Variants in KLRD1 observed in about 807,000 individuals in gnomAD.
The protein encoded by KLRD1 is natural killer cells antigen CD94.
In KLRD1, 21 loss-of-function variants were observed where a neutral mutation model predicts 22.6. That is an observed-to-expected ratio of 0.93 (90% CI 0.66 to 1.34). The LOEUF (loss-of-function observed/expected upper bound fraction) is 1.34, where lower values mean the gene tolerates loss of function less well. Ranked by LOEUF, KLRD1 falls within the 40% of genes most tolerant of loss-of-function variation. The pLI is 0.00. For missense variants in KLRD1, 183 were observed against 208.6 expected, an observed-to-expected ratio of 0.88 and a Z score of 0.76; for synonymous variants, 59 against 71.1, an observed-to-expected ratio of 0.83 and a Z score of 0.85.
intron 1 of KLRD1, among the ~76,000 whole-genome samples, chr12:10,276,327 A>T (rs1176195750): frequency 6.6e-6 from 1 of 152,138 alleles, no homozygotes; most frequent in African/African-American, 2.4e-5. Context: ...TTGGATATTT[A>T]GTGACTAGGT....
chr12:10,314,824 A>G lies in KLRD1; in HGVS notation c.*31A>G. Reference sequence around the variant, plus strand: ...TCTTGGGGCAGAGAAGGTGGAGAGTAAAGACCCAACATTACTAACAATGAT... The same window carrying G: ...TCTTGGGGCAGAGAAGGTGGAGAGTGAAGACCCAACATTACTAACAATGAT... On this transcript the variant is annotated 3_prime_UTR_variant, in exon 6 of 6. Transcript: ENST00000336164. 1 of 1,585,088 alleles carries G rather than the reference A, an allele frequency of 6.3e-7. No individual in the cohort carries two copies.
intron 1 of KLRD1, among the ~76,000 whole-genome samples, chr12:10,291,252 G>A (rs1003786585): frequency 1.3e-5 from 2 of 152,166 alleles, no homozygotes; most frequent in Non-Finnish European, 2.9e-5. Flanking sequence ...ACTGATCAGG[G>A]TGGTGGTTGT....
intron 2 of KLRD1, 61 bp from the exon 3 acceptor site, chr12:10,309,565 A>G (rs893111729): frequency 7.5e-7 from 1 of 1,334,994 alleles, no homozygotes; most frequent in African/African-American, 1.4e-5. Context: ...GCTAATGTGT[A>G]ATATTTTAGT....
chr12:10,322,585 C>G lies in KLRD1; in HGVS notation c.*7792C>G, dbSNP rs1300453865. On this transcript the variant is annotated 3_prime_UTR_variant, in exon 6 of 6. Coordinates refer to ENST00000336164, the MANE Select transcript of KLRD1 (RefSeq NM_002262.5). ...TGCTGTTGTTTGGACTGGCACCTTA[C>G]TAGACCTGCTCCACAAACTGCCGTC... The G allele has an allele frequency of 3.3e-5, 5 of 152,172 alleles. No homozygotes were observed. Among genetic ancestry groups the G allele is most frequent in the Non-Finnish European group, 5.9e-5 (4 of 68,046 alleles). The allele number at this position is 152,172 out of a possible 1,614,324, so 9.4% of individuals were successfully genotyped here.
chr12:10,327,313 A>G lies in KLRD1; in HGVS notation c.*12520A>G, dbSNP rs1268002572. The G allele has an allele frequency of 6.6e-6, 1 of 152,090 alleles. No homozygotes were observed. Among genetic ancestry groups the G allele is most frequent in the Non-Finnish European group, 1.5e-5 (1 of 68,016 alleles). The allele number at this position is 152,090 out of a possible 1,614,324, so 9.4% of individuals were successfully genotyped here. A position where few individuals can be genotyped will look rare whatever the true frequency, so the allele number is the denominator to read the frequency against. On this transcript the variant is annotated 3_prime_UTR_variant, in exon 6 of 6. Transcript: ENST00000336164. ...TATTGTAGCTTTGTAATATATTTTG[A>G]TATCAGGAAGTTTGAGGCCTCTGGC...
chr12:10,263,489 T>C (rs7303481), intron 1 of KLRD1, among the ~76,000 whole-genome samples: 9,857 of 152,118 alleles, frequency 0.065, 1,097 homozygotes, highest in African/African-American at 0.23. Context: ...TAAGAATGAA[T>C]ATCCCTAATT....
intron 1 of KLRD1, among the ~76,000 whole-genome samples, chr12:10,242,025 C>T (rs1949245757): frequency 6.9e-6 from 1 of 145,054 alleles, no homozygotes; most frequent in Admixed American, 7.2e-5. Context: ...AGAAACTTCT[C>T]CCATAATTGA....
At chr12:10,258,181 T>C (rs1949417404) in intron 1 of KLRD1, among the ~76,000 whole-genome samples, 1 of 152,198 alleles carries the variant, frequency 6.6e-6, no homozygotes, top group Non-Finnish European at 1.5e-5. Context: ...TATAAACATA[T>C]GAGTCCAAAG....
chr12:10,252,677 G>T (rs955778520), intron 1 of KLRD1, among the ~76,000 whole-genome samples: 8 of 152,180 alleles, frequency 5.3e-5, no homozygotes, highest in African/African-American at 1.9e-4. Context: ...TAGATTCCAT[G>T]AGAGGATGTG....
Position 10,320,945 on chromosome 12 carries a change from T to G in KLRD1, c.*6152T>G, listed in dbSNP as rs1405429763. On this transcript the variant is annotated 3_prime_UTR_variant, in exon 6 of 6. Transcript: ENST00000336164. ...ATGTGTGCGGTTTTTACAAATAGAGTTCATAGAAAACCTCAAAACACTTTT... is the reference window on the plus strand; with the variant it reads ...ATGTGTGCGGTTTTTACAAATAGAGGTCATAGAAAACCTCAAAACACTTTT... 8 of 152,172 alleles carry G rather than the reference T, an allele frequency of 5.3e-5. No homozygotes were observed. The highest frequency in any genetic ancestry group is 1.2e-4 in the Non-Finnish European group (8 of 68,032). 9.4% of individuals were successfully genotyped at this position (152,172 alleles called of 1,614,324 possible). A position where few individuals can be genotyped will look rare whatever the true frequency, so the allele number is the denominator to read the frequency against.
chr12:10,304,880 AACGTCTTTTGTTTTTTCTCAGGG>A (rs1949899858), upstream of KLRD1, among the ~76,000 whole-genome samples: 1 of 152,166 alleles, frequency 6.6e-6, no homozygotes, highest in Admixed American at 6.5e-5. Flanking sequence ...CCAGGTCAGT[AACGTCTTTTGTTTTTTCTCAGGG>A]AGCCCTCTCT....
At chr12:10,245,897 G>A (rs991539119) in intron 1 of KLRD1, among the ~76,000 whole-genome samples, 4 of 152,106 alleles carry the variant, frequency 2.6e-5, no homozygotes, top group African/African-American at 9.7e-5. Context: ...ACAGCTTACT[G>A]TAACCTCGGG....
chr12:10,239,520 T>TTTCTTTCC (rs1949218882), intron 1 of KLRD1, among the ~76,000 whole-genome samples: 2 of 10,288 alleles, frequency 1.9e-4, no homozygotes, highest in Admixed American at 1.7e-3. Flanking sequence ...TTCCCTCCCC[T>TTTCTTTCC]TTCTTTCTTT....
rs1204447746 is a variant in KLRD1 at position 10,307,958 on chromosome 12, T to C, written c.-120T>C. 3 of 886,330 alleles carry C rather than the reference T, an allele frequency of 3.4e-6. No individual in the cohort carries two copies. The highest frequency in any genetic ancestry group is 5.5e-6 in the Non-Finnish European group (3 of 544,340). The allele number at this position is 886,330 out of a possible 1,614,324, so 54.9% of individuals were successfully genotyped here. A position where few individuals can be genotyped will look rare whatever the true frequency, so the allele number is the denominator to read the frequency against. Reference sequence around the variant, plus strand: ...TTTCATTCTCTATTTTTGCTAAATTTCTTCATACTCAACTTTCAGATTCTT... The same window carrying C: ...TTTCATTCTCTATTTTTGCTAAATTCCTTCATACTCAACTTTCAGATTCTT... On this transcript the variant is annotated 5_prime_UTR_variant, in exon 1 of 6. Coordinates refer to ENST00000336164, the MANE Select transcript of KLRD1 (RefSeq NM_002262.5).
chr12:10,266,153 A>T (rs1331652299), intron 1 of KLRD1, among the ~76,000 whole-genome samples: 1 of 152,144 alleles, frequency 6.6e-6, no homozygotes, highest in Admixed American at 6.6e-5. Context: ...AGATTATTGC[A>T]TGTCTTTCTG....
At chr12:10,293,619 A>G (rs781723909) in intron 1 of KLRD1, among the ~76,000 whole-genome samples, 6 of 152,214 alleles carry the variant, frequency 3.9e-5, no homozygotes, top group African/African-American at 1.2e-4. Context: ...AGATATTGCA[A>G]TAATAGTAAA....
chr12:10,241,746 A>C (rs560373671), intron 1 of KLRD1, among the ~76,000 whole-genome samples: 1 of 152,300 alleles, frequency 6.6e-6, no homozygotes, highest in East Asian at 1.9e-4. Flanking sequence ...ATGTGTGTAT[A>C]TGTGCATATT....
In KLRD1 at chr12:10,250,462, C is replaced by T. The variant is rs573481366; in HGVS notation, c.-101+24229C>T. On this transcript the variant is annotated intron_variant, in intron 1 of 5. Transcript: ENST00000544747. ...TTGTTCCAAACTTTTCTTTTCTTTTCTTTTCTTTTTTTGAGACGGGGTCTC... is the reference window on the plus strand; with the variant it reads ...TTGTTCCAAACTTTTCTTTTCTTTTTTTTTCTTTTTTTGAGACGGGGTCTC... Among the ~76,000 whole-genome samples the T allele has an allele frequency of 1.7e-4, 26 of 151,892 alleles. 1 individual carries two copies. Among genetic ancestry groups the T allele is most frequent in the African/African-American group, 5.3e-4 (22 of 41,400 alleles).
rs192454585 is a variant in KLRD1 at position 10,309,648 on chromosome 12, G to A, written c.123G>A (p.Glu41=). 1.0e-4 allele frequency: 164 copies of A among 1,613,016 alleles called. 1 individual carries two copies. The Admixed American group carries it at 2.6e-3, about 25-fold the overall frequency. Reference sequence around the variant, plus strand: ...TAGCTTTTACTAAACTGAGTATTGAGCCAGCATTTACTCCAGGACCCAACA... The same window carrying A: ...TAGCTTTTACTAAACTGAGTATTGAACCAGCATTTACTCCAGGACCCAACA... ...LKNSFTKLSI[E]PAFTPGPNIE... is the part of the protein sequence containing the mutation. Residue 41 remains glutamate, a synonymous_variant, in exon 3 of 6, where the codon GAG becomes GAA. Coordinates refer to ENST00000336164, the MANE Select transcript of KLRD1 (RefSeq NM_002262.5).
Sources: allele counts gnomAD v4.1 joint callset (sites outside exome capture counted in the v4.1 genomes callset), GRCh38; gene constraint gnomAD v4.1.1; transcripts MANE v1.5; gene names NCBI Gene and HGNC (gene_info 2026-07-23, HGNC 2026-07-21).